PTPRG: variants seen among roughly 807,000 people sequenced by gnomAD.
PTPRG encodes the protein receptor-type tyrosine-protein phosphatase gamma.
PTPRG carries 102 observed loss-of-function variants against 165.3 expected under a neutral mutation model. That is an observed-to-expected ratio of 0.62 (90% CI 0.53 to 0.73). PTPRG has a LOEUF of 0.73. Ranked by LOEUF, PTPRG falls within the 30% of genes least tolerant of loss-of-function variation. The pLI is 0.00. For missense variants in PTPRG, 1,866 were observed against 1,861.4 expected, an observed-to-expected ratio of 1.00 and a Z score of -0.05; for synonymous variants, 675 against 669.5, an observed-to-expected ratio of 1.01 and a Z score of -0.13.
intron 6 of PTPRG, among the ~76,000 whole-genome samples, chr3:62,135,506 A>AT (rs1446296936): frequency 6.6e-6 from 1 of 152,160 alleles, no homozygotes; most frequent in Non-Finnish European, 1.5e-5. Flanking sequence ...TGGGAATCAT[A>AT]TATTAGAATG....
chr3:61,752,678 C>G (rs554755600), intron 2 of PTPRG, among the ~76,000 whole-genome samples: 256 of 146,760 alleles, frequency 1.7e-3, no homozygotes, highest in Admixed American at 3.9e-3. Context: ...CCCAGCTACT[C>G]GGGAGGCTGA....
At chr3:62,053,734 G>A (rs1391466859) in intron 4 of PTPRG, among the ~76,000 whole-genome samples, 3 of 152,108 alleles carry the variant, frequency 2.0e-5, no homozygotes, top group Non-Finnish European at 2.9e-5. Flanking sequence ...ATCTTCAGGG[G>A]ATGGCCTCTG....
chr3:61,946,177 C>G (rs2039757218), intron 2 of PTPRG, among the ~76,000 whole-genome samples: 1 of 152,148 alleles, frequency 6.6e-6, no homozygotes. Flanking sequence ...CATACAATCC[C>G]AAAGTCAACT....
chr3:62,127,163 G>A (rs535681092), intron 5 of PTPRG, among the ~76,000 whole-genome samples: 5 of 152,308 alleles, frequency 3.3e-5, no homozygotes, highest in Admixed American at 2.6e-4. Context: ...ATTAATAAAG[G>A]AAGCCAGGCA....
chr3:61,752,845 T>C (rs1424680293), intron 2 of PTPRG, among the ~76,000 whole-genome samples: 6 of 141,320 alleles, frequency 4.2e-5, no homozygotes, highest in African/African-American at 1.3e-4. Flanking sequence ...CTTATAGTAA[T>C]ATAGCCTGGG....
chr3:61,983,377 A>G (rs563399519), intron 2 of PTPRG, among the ~76,000 whole-genome samples: 141 of 152,300 alleles, frequency 9.3e-4, no homozygotes, highest in African/African-American at 3.2e-3. Context: ...GGTTAAAAGT[A>G]GACAACAAAA....
At chr3:61,629,355 A>G (rs1262456745) in intron 1 of PTPRG, among the ~76,000 whole-genome samples, 2 of 152,010 alleles carry the variant, frequency 1.3e-5, no homozygotes, top group Non-Finnish European at 2.9e-5. Flanking sequence ...AGGTTTCACC[A>G]TGTTGGCCAG....
At chr3:62,086,668 GTTGA>G (rs920381889) in intron 5 of PTPRG, among the ~76,000 whole-genome samples, 9 of 152,090 alleles carry the variant, frequency 5.9e-5, no homozygotes, top group Admixed American at 3.3e-4. Context: ...AATGTTTTGG[GTTGA>G]TTAAGAAGAC....
chr3:62,201,741 T>G lies in PTPRG; in HGVS notation c.1377+187T>G, dbSNP rs78711642. On this transcript the variant is annotated intron_variant, in intron 11 of 29. Transcript: ENST00000474889. ...CTTATGAACACAAGCTGTGCAACAG[T>G]GTTAGGTGGTTATATTATATAATTT... Among the ~76,000 whole-genome samples the G allele has an allele frequency of 4.3e-3, 653 of 152,308 alleles. 3 individuals are homozygous for G. Among genetic ancestry groups the G allele is most frequent in the African/African-American group, 0.014 (565 of 41,570 alleles).
chr3:62,256,652 T>C (rs1359263252), intron 16 of PTPRG, among the ~76,000 whole-genome samples: 1 of 152,200 alleles, frequency 6.6e-6, no homozygotes, highest in African/African-American at 2.4e-5. Flanking sequence ...AGCAAGAATA[T>C]TGAGGCATTT....
At chr3:61,990,784 A>G (rs2040866555) in intron 3 of PTPRG, among the ~76,000 whole-genome samples, 1 of 152,126 alleles carries the variant, frequency 6.6e-6, no homozygotes, top group African/African-American at 2.4e-5. Flanking sequence ...TGTCACTGTG[A>G]ACCACTGTTA....
intron 5 of PTPRG, among the ~76,000 whole-genome samples, chr3:62,113,228 G>A (rs1245685152): frequency 6.6e-6 from 1 of 152,102 alleles, no homozygotes; most frequent in Admixed American, 6.5e-5. Flanking sequence ...TTAAAGATTA[G>A]CTGTGTGGGA....
intron 2 of PTPRG, among the ~76,000 whole-genome samples, chr3:61,838,766 T>G (rs1445644065): frequency 6.6e-6 from 1 of 152,232 alleles, no homozygotes; most frequent in Non-Finnish European, 1.5e-5. Context: ...GAGCTTTTTC[T>G]TCTTCATTTG....
chr3:62,129,648 C>T (rs1259750058), intron 5 of PTPRG, among the ~76,000 whole-genome samples: 2 of 152,168 alleles, frequency 1.3e-5, no homozygotes, highest in Non-Finnish European at 2.9e-5. Context: ...GAGGGCAGAA[C>T]CCTCATGACC....
chr3:62,115,922 G>T, intron 5 of PTPRG, among the ~76,000 whole-genome samples: 1 of 152,154 alleles, frequency 6.6e-6, no homozygotes. Context: ...TAATTTGCCG[G>T]TCAAGGTTTC....
intron 1 of PTPRG, among the ~76,000 whole-genome samples, chr3:61,634,792 T>C (rs17624623): frequency 0.36 from 54,742 of 151,942 alleles, 10,314 homozygotes; most frequent in Middle Eastern, 0.44. Flanking sequence ...ATGGGATGTT[T>C]CTCTATAAGT....
At chr3:61,888,339 G>GTTTGTTTT (rs1559671081) in intron 2 of PTPRG, among the ~76,000 whole-genome samples, 1,927 of 150,266 alleles carry the variant, frequency 0.013, 41 homozygotes, top group African/African-American at 0.042. Flanking sequence ...TTGTTTGTTT[G>GTTTGTTTT]TTTGTTGTTT....
intron 2 of PTPRG, among the ~76,000 whole-genome samples, chr3:61,829,376 T>A (rs539669199): frequency 1.3e-5 from 2 of 152,374 alleles, no homozygotes; most frequent in Non-Finnish European, 2.9e-5. Flanking sequence ...GAATGACCTT[T>A]CTGTTTCCGT....
rs1199246835 is a variant in PTPRG at position 62,228,406 on chromosome 3, C to T, written c.2289-2819C>T. Among the ~76,000 whole-genome samples, 2 of 151,534 alleles carry T rather than the reference C, an allele frequency of 1.3e-5. No individual in the cohort carries two copies. Among genetic ancestry groups the T allele is most frequent in the Non-Finnish European group, 2.9e-5 (2 of 67,960 alleles). On this transcript the variant is annotated intron_variant, in intron 13 of 29. Transcript: ENST00000474889. The surrounding 1 kb of genome is among the most constrained non-coding windows in gnomAD (Gnocchi z 4.1). ...ATGTGGTGGTGGGTGCCTGTAATCCCAGCTACTTGGGAGGCTGAGGCAGAG... is the reference window on the plus strand; with the variant it reads ...ATGTGGTGGTGGGTGCCTGTAATCCTAGCTACTTGGGAGGCTGAGGCAGAG...
Sources: allele counts gnomAD v4.1 joint callset (sites outside exome capture counted in the v4.1 genomes callset), GRCh38; gene constraint gnomAD v4.1.1; non-coding constraint Gnocchi (gnomAD v3.1); transcripts MANE v1.5; gene names NCBI Gene and HGNC (gene_info 2026-07-23, HGNC 2026-07-21).